The following FRMPD4 variants were observed in gnomAD, a reference collection of about 807,000 sequenced individuals.
FRMPD4 encodes the protein FERM and PDZ domain-containing protein 4.
FRMPD4 carries 22 observed loss-of-function variants against 94.1 expected under a neutral mutation model. That is an observed-to-expected ratio of 0.23 (90% CI 0.17 to 0.33). The LOEUF (loss-of-function observed/expected upper bound fraction) is 0.33, where lower values mean the gene tolerates loss of function less well. FRMPD4 is among the 10% of genes least tolerant of loss of function. FRMPD4 has a pLI of 1.00. For synonymous variants in FRMPD4, 631 were observed against 548.6 expected (o/e 1.15, Z -2.10); for missense variants, 1,111 against 1,339.9 (o/e 0.83, Z 2.67).
chrX:12,264,822 A>G (rs771775121), intron 1 of FRMPD4, among the ~76,000 whole-genome samples: 137 of 112,158 alleles, frequency 1.2e-3, no homozygotes, highest in Middle Eastern at 4.6e-3. Context: ...GCCTTTCAAG[A>G]TGGGAATTTA....
At chrX:12,055,462 T>G (rs1040620936) in intron 3 of FRMPD4, among the ~76,000 whole-genome samples, 1 of 111,668 alleles carries the variant, frequency 9.0e-6, no homozygotes, top group African/African-American at 3.3e-5. Flanking sequence ...ACTCTTGTCA[T>G]TTGAGACACC....
At chrX:11,948,133 A>G (rs1287455503) in intron 3 of FRMPD4, among the ~76,000 whole-genome samples, 1 of 108,697 alleles carries the variant, frequency 9.2e-6, no homozygotes, top group Non-Finnish European at 1.9e-5. Context: ...GTGAAACTCT[A>G]TATAAGAGAA....
At chrX:12,519,506 C>T (rs956846225) in intron 2 of FRMPD4, among the ~76,000 whole-genome samples, 7 of 111,909 alleles carry the variant, frequency 6.3e-5, no homozygotes, top group Admixed American at 2.8e-4. Flanking sequence ...TTGGATATGA[C>T]ACCAAAAGCC....
In FRMPD4 at chrX:12,426,248, G is replaced by A. The variant is rs188302174; in HGVS notation, c.42-72432G>A. Among the ~76,000 whole-genome samples the A allele has an allele frequency of 4.1e-3, 454 of 111,134 alleles. 2 individuals are homozygous for A. Among genetic ancestry groups the A allele is most frequent in the Non-Finnish European group, 4.1e-3 (219 of 53,002 alleles). On this transcript the variant is annotated intron_variant, in intron 1 of 16. Transcript: ENST00000675598. The stretch of plus-strand genomic sequence containing the variant: ...CAGGAGAGACACATTATAGAAACAA[G>A]ATAGTAACCCCTCTTGAATTGCACT...
chrX:12,061,615 AAG>A (rs2054886985), intron 3 of FRMPD4, among the ~76,000 whole-genome samples: 1 of 111,962 alleles, frequency 8.9e-6, no homozygotes, highest in Non-Finnish European at 1.9e-5. Flanking sequence ...ATACAAAAGA[AAG>A]AAACTAAGTC....
intron 1 of FRMPD4, among the ~76,000 whole-genome samples, chrX:12,169,640 T>C (rs1022562265): frequency 1.8e-5 from 2 of 112,195 alleles, no homozygotes; most frequent in African/African-American, 6.5e-5. Flanking sequence ...TTCTATTAGG[T>C]CTAAACTATT....
At chrX:12,505,238 G>A (rs1003470320) in intron 2 of FRMPD4, among the ~76,000 whole-genome samples, 1 of 111,704 alleles carries the variant, frequency 9.0e-6, no homozygotes, top group Admixed American at 9.5e-5. Context: ...CTTCTTTCTA[G>A]ATTGAGCCAA....
chrX:12,561,634 T>G (rs772495556), intron 2 of FRMPD4, among the ~76,000 whole-genome samples: 16 of 112,647 alleles, frequency 1.4e-4, no homozygotes, highest in Non-Finnish European at 2.4e-4. Context: ...TTGTGATGTG[T>G]ACCAAATGCA....
chrX:12,145,049 T>C (rs1249122437), intron 1 of FRMPD4, among the ~76,000 whole-genome samples: 1 of 111,659 alleles, frequency 9.0e-6, no homozygotes, highest in Admixed American at 9.6e-5. Flanking sequence ...TTTTAATTTT[T>C]ATTTTGGTTA....
intron 2 of FRMPD4, among the ~76,000 whole-genome samples, chrX:12,580,827 G>A (rs758967746): frequency 1.8e-5 from 2 of 112,209 alleles, no homozygotes; most frequent in Non-Finnish European, 3.8e-5. Context: ...TATATATAGT[G>A]TGAATACACT....
At chrX:11,934,575 C>T (rs2054140802) in intron 3 of FRMPD4, among the ~76,000 whole-genome samples, 1 of 111,899 alleles carries the variant, frequency 8.9e-6, no homozygotes, top group African/African-American at 3.2e-5. Context: ...TTGTTTTTGC[C>T]AAATATAACT....
chrX:11,876,219 T>C (rs1157788204), intron 2 of FRMPD4, among the ~76,000 whole-genome samples: 1 of 111,696 alleles, frequency 9.0e-6, no homozygotes, highest in African/African-American at 3.3e-5. Context: ...GGCGTGCCAT[T>C]CTTTTTAATG....
chrX:12,463,681 G>GTTTTTTTTTTTTTTTTTT (rs764684007), intron 1 of FRMPD4, among the ~76,000 whole-genome samples: 1 of 51,046 alleles, frequency 2.0e-5, no homozygotes, highest in Non-Finnish European at 3.4e-5. Context: ...CTATGTGTGT[G>GTTTTTTTTTTTTTTTTTT]TTTTTTTTTT....
chrX:12,378,350 A>G (rs1316752761), intron 1 of FRMPD4, among the ~76,000 whole-genome samples: 1 of 112,375 alleles, frequency 8.9e-6, no homozygotes, highest in Admixed American at 9.4e-5. Flanking sequence ...GTGCTTTTTC[A>G]ATTAGTTTTA....
intron 2 of FRMPD4, among the ~76,000 whole-genome samples, chrX:12,519,396 A>G (rs1376522732): frequency 8.9e-6 from 1 of 112,515 alleles, no homozygotes; most frequent in African/African-American, 3.2e-5. Flanking sequence ...ATACCTTCAC[A>G]TACATGATTA....
chrX:12,326,170 T>A lies in FRMPD4; in HGVS notation c.42-172510T>A, dbSNP rs752632271. On this transcript the variant is annotated intron_variant, in intron 1 of 16. Transcript: ENST00000675598. The stretch of plus-strand genomic sequence containing the variant: ...GTGTAAGTATTCCTCCTATTTTTTT[T>A]ATCCATGCTAATGCTACTCAGTTTT... Among the ~76,000 whole-genome samples the A allele has an allele frequency of 2.7e-5, 3 of 112,170 alleles. No individual in the cohort carries two copies. The East Asian group carries it at 8.4e-4, about 31-fold the overall frequency.
chrX:12,583,396 C>T, intron 2 of FRMPD4: 1 of 1,071,899 alleles, frequency 9.3e-7, no homozygotes. Flanking sequence ...GAAGCTCCGC[C>T]AGTACTGGGC....
chrX:12,531,508 A>T (rs1273739193), intron 2 of FRMPD4, among the ~76,000 whole-genome samples: 3 of 112,008 alleles, frequency 2.7e-5, no homozygotes, highest in Non-Finnish European at 3.8e-5. Flanking sequence ...GAGATTTAAA[A>T]TGTGAATTCT....
chrX:12,099,411 T>C (rs182616896), intron 3 of FRMPD4, among the ~76,000 whole-genome samples: 2 of 112,308 alleles, frequency 1.8e-5, no homozygotes, highest in African/African-American at 6.4e-5. Context: ...CTGTAAAGAA[T>C]CATTCAGTTC....
Sources: gnomAD v4.1 joint callset for allele counts (sites outside exome capture counted in the v4.1 genomes callset) on GRCh38, gnomAD v4.1.1 for gene constraint, MANE v1.5 for transcripts, NCBI Gene and HGNC (gene_info 2026-07-23, HGNC 2026-07-21) for gene names.